CDK14: variants seen among roughly 807,000 people sequenced by gnomAD.
CDK14 encodes the protein cyclin dependent kinase 14.
CDK14 carries 34 observed loss-of-function variants against 60.7 expected under a neutral mutation model. The ratio of observed to expected loss-of-function variants is 0.56; its 90% CI spans 0.43 to 0.75. The LOEUF is 0.75. CDK14 is among the 30% of genes least tolerant of loss of function. CDK14 has a pLI of 0.00. For missense variants in CDK14, 482 were observed against 564.1 expected (o/e 0.85, Z 1.47); for synonymous variants, 197 against 203.7 (o/e 0.97, Z 0.28).
chr7:91,086,660 GGT>G (rs149008629), intron 12 of CDK14, among the ~76,000 whole-genome samples: 8,781 of 149,000 alleles, frequency 0.059, 353 homozygotes, highest in Middle Eastern at 0.13. Context: ...GGCCCCTGTG[GGT>G]GTGTGTGTGT....
intron 14 of CDK14, among the ~76,000 whole-genome samples, chr7:91,172,767 A>G (rs1347904376): frequency 6.6e-6 from 1 of 152,100 alleles, no homozygotes; most frequent in Admixed American, 6.5e-5. Context: ...TCTTAGACTT[A>G]TTTCTCTAAG....
chr7:91,109,632 C>G (rs147361208), intron 12 of CDK14, among the ~76,000 whole-genome samples: 100 of 152,120 alleles, frequency 6.6e-4, no homozygotes, highest in African/African-American at 2.2e-3. Flanking sequence ...TGTAAATGGA[C>G]TAAACTTTCT....
At chr7:90,957,589 A>G (rs1473296818) in intron 9 of CDK14, among the ~76,000 whole-genome samples, 1 of 151,904 alleles carries the variant, frequency 6.6e-6, no homozygotes, top group Non-Finnish European at 1.5e-5. Flanking sequence ...TCATGAGTGA[A>G]CTCCCGTTCA....
intron 12 of CDK14, among the ~76,000 whole-genome samples, chr7:91,088,701 T>C (rs1178785970): frequency 6.6e-6 from 1 of 152,164 alleles, no homozygotes; most frequent in Non-Finnish European, 1.5e-5. Flanking sequence ...TGTATCTCTA[T>C]GTGAATTCTC....
rs76032110 is a variant in CDK14 at position 90,942,979 on chromosome 7, T to C, written c.827-12718T>C. Among the ~76,000 whole-genome samples, 1,042 of 151,472 alleles carry C rather than the reference T, an allele frequency of 6.9e-3. 19 individuals carry two copies. Among genetic ancestry groups the C allele is most frequent in the African/African-American group, 0.023 (963 of 41,314 alleles). On this transcript the variant is annotated intron_variant, in intron 8 of 14. Transcript: ENST00000380050. Reference sequence around the variant, plus strand: ...ATTTTTATACTTCTGCCTGTCAAGGTTTTTTTTTAAAAAAAACTGTCGAGT... The same window carrying C: ...ATTTTTATACTTCTGCCTGTCAAGGCTTTTTTTTAAAAAAAACTGTCGAGT...
At position 90,702,578 on chromosome 7, in the gene CDK14, A is replaced by G. The variant is rs560668550; in HGVS notation, c.124-23989A>G. ...GCCACAGGAAAGTCAATTAAATTAT[A>G]TAGGGATACACATTTTAATTTCAGT... On this transcript the variant is annotated intron_variant, in intron 2 of 14. Coordinates refer to ENST00000380050, the MANE Select transcript of CDK14 (RefSeq NM_001287135.2). Among the ~76,000 whole-genome samples, 4 of 152,138 alleles carry G rather than the reference A, an allele frequency of 2.6e-5. No homozygotes were observed. In the East Asian group the frequency reaches 5.9e-4, roughly 22 times the overall value.
intron 4 of CDK14, among the ~76,000 whole-genome samples, chr7:90,775,660 T>TTCCCCTCCCCCTTCCCCTCCCCCC: frequency 1.8e-5 from 1 of 55,374 alleles, no homozygotes; most frequent in Non-Finnish European, 3.3e-5. Flanking sequence ...CCCCTCCCCC[T>TTCCCCTCCCCCTTCCCCTCCCCCC]TTCTCCTCCT....
chr7:91,169,904 A>G (rs750974440), intron 14 of CDK14, among the ~76,000 whole-genome samples: 2 of 152,210 alleles, frequency 1.3e-5, no homozygotes, highest in Non-Finnish European at 2.9e-5. Context: ...GTGCTTTATA[A>G]TTCATTCTTT....
chr7:90,751,179 G>C (rs1271062826), intron 4 of CDK14, among the ~76,000 whole-genome samples: 1 of 152,022 alleles, frequency 6.6e-6, no homozygotes, highest in Non-Finnish European at 1.5e-5. Context: ...AAAAAATCTG[G>C]AGAACATCTG....
chr7:91,076,300 A>G (rs1798314675), intron 11 of CDK14, among the ~76,000 whole-genome samples: 1 of 150,716 alleles, frequency 6.6e-6, no homozygotes, highest in Non-Finnish European at 1.5e-5. Flanking sequence ...ACCAAAACAG[A>G]CATACAGACC....
chr7:90,867,066 A>G (rs938286644), intron 6 of CDK14, among the ~76,000 whole-genome samples: 6 of 152,148 alleles, frequency 3.9e-5, no homozygotes, highest in African/African-American at 1.4e-4. Context: ...TTTTGAGTAC[A>G]GTTATTTCCA....
intron 6 of CDK14, among the ~76,000 whole-genome samples, chr7:90,884,137 T>A (rs914624069): frequency 6.6e-6 from 1 of 152,114 alleles, no homozygotes; most frequent in African/African-American, 2.4e-5. Context: ...AGAGAGGAAG[T>A]CAAGTTGTCT....
intron 7 of CDK14, among the ~76,000 whole-genome samples, chr7:90,917,057 G>A (rs1005501661): frequency 1.3e-5 from 2 of 152,094 alleles, no homozygotes; most frequent in Non-Finnish European, 2.9e-5. Flanking sequence ...TTATAATGTA[G>A]TATTAATTAG....
chr7:90,967,976 A>G lies in CDK14; in HGVS notation c.947+12159A>G, dbSNP rs112473277. On this transcript the variant is annotated intron_variant, in intron 9 of 14. Transcript: ENST00000380050. ...ATGCCTACCAGAATATTACAAGGAT[A>G]TCTACTTCATATTGCTTACTGAAGG... Among the ~76,000 whole-genome samples, 358 of 152,340 alleles carry G rather than the reference A, an allele frequency of 2.4e-3. 1 individual carries two copies. The highest frequency in any genetic ancestry group is 8.0e-3 in the African/African-American group (334 of 41,580).
At chr7:90,835,509 A>G (rs556066148) in intron 5 of CDK14, among the ~76,000 whole-genome samples, 228 of 152,312 alleles carry the variant, frequency 1.5e-3, no homozygotes, top group African/African-American at 5.2e-3. Context: ...CGCTTAATAC[A>G]TGTAAGTCTC....
At chr7:90,773,906 T>TC (rs58983476) in intron 4 of CDK14, among the ~76,000 whole-genome samples, 63 of 81,580 alleles carry the variant, frequency 7.7e-4, no homozygotes, top group African/African-American at 1.6e-3. Flanking sequence ...TTTCTTTCTT[T>TC]TTTTTTTTTT....
At chr7:90,997,845 G>C (rs1795728779) in intron 10 of CDK14, among the ~76,000 whole-genome samples, 1 of 152,166 alleles carries the variant, frequency 6.6e-6, no homozygotes, top group Non-Finnish European at 1.5e-5. Context: ...GCAGTTGTGA[G>C]TGTCTTTAGT....
chr7:90,618,884 A>G (rs1267149286), intron 2 of CDK14, among the ~76,000 whole-genome samples: 2 of 152,140 alleles, frequency 1.3e-5, no homozygotes, highest in Admixed American at 1.3e-4. Context: ...GAAGTAGGAG[A>G]ATTTGTGCCT....
At chr7:91,018,988 A>T (rs1796370657) in intron 10 of CDK14, among the ~76,000 whole-genome samples, 1 of 152,202 alleles carries the variant, frequency 6.6e-6, no homozygotes, top group Non-Finnish European at 1.5e-5. Context: ...AAATCTCCTA[A>T]TACCATCACA....
Sources: allele counts gnomAD v4.1 joint callset (sites outside exome capture counted in the v4.1 genomes callset), GRCh38; gene constraint gnomAD v4.1.1; transcripts MANE v1.5; gene names NCBI Gene and HGNC (gene_info 2026-07-23, HGNC 2026-07-21).